Variants in TRMT1 observed in about 807,000 individuals in gnomAD.
TRMT1 encodes tRNA (guanine(26)-N(2))-dimethyltransferase.
In TRMT1, 63 loss-of-function variants were observed where a neutral mutation model predicts 75.4. The observed-to-expected ratio is 0.84, with a 90% CI of 0.68 to 1.03. The LOEUF (loss-of-function observed/expected upper bound fraction) is 1.03, where lower values mean the gene tolerates loss of function less well. Among genes scored for constraint, TRMT1 ranks in the 50% least tolerant of loss-of-function variants. The pLI is 0.00. For synonymous variants in TRMT1, 382 were observed against 358.1 expected (o/e 1.07, Z -0.75); for missense variants, 870 against 905.3 (o/e 0.96, Z 0.50).
In TRMT1 at chr19:13,112,969, G is replaced by T; in HGVS notation, c.684C>A (p.Asp228Glu). 6.2e-7 allele frequency: 1 copy of T among 1,613,764 alleles called. No individual in the cohort carries two copies. The highest frequency in any genetic ancestry group is 1.3e-5 in the African/African-American group (1 of 75,048). The change falls in exon 6 of 17, where the codon GAC (aspartate) becomes GAA (glutamate). Residue 228 changes from aspartate (D) to glutamate (E), a missense_variant. Coordinates refer to ENST00000357720, the MANE Select transcript of TRMT1 (RefSeq NM_001136035.4). ...YQHQRVSERF[D>E]VIDLDPYGSP... ...TGCCATAGGGGTCCAGATCGATGAC[G>T]TCAAACCTCTCCGACACCCTCTGGT...
chr19:13,105,129 C>A, intron 16 of TRMT1, 48 bp from the exon 17 acceptor site: 1 of 1,551,142 alleles, frequency 6.4e-7, no homozygotes. Flanking sequence ...GCTCAGCAGC[C>A]CCTGATGGGA....
In TRMT1 at chr19:13,115,671, G is replaced by A; in HGVS notation, c.408C>T (p.Ala136=). ...CCGCTGTGCGAGGTTGGTCTCCTGA[G>A]GCCAGGTTTTCACTCTCTTTCAGTT... ...KVELKESENL[A]SGDQPRTAAV... Residue 136 remains alanine, a synonymous_variant, in exon 4 of 17, where the codon GCC becomes GCT. Transcript: ENST00000357720. 1 of 1,614,024 alleles carries A rather than the reference G, an allele frequency of 6.2e-7. No individual in the cohort carries two copies. The highest frequency in any genetic ancestry group is 8.5e-7 in the Non-Finnish European group (1 of 1,180,014).
At position 13,109,085 on chromosome 19, in the gene TRMT1, G is replaced by GGTGTGTGTGTGTGT. The variant is rs57825932; in HGVS notation, c.1397+282_1397+295dup. Among the ~76,000 whole-genome samples, 825 of 147,342 alleles carry GGTGTGTGTGTGTGT rather than the reference G, an allele frequency of 5.6e-3. 9 individuals carry two copies. The highest frequency in any genetic ancestry group is 0.02 in the African/African-American group (790 of 40,220). ...CATGTATCACCATGCCAGGCTAATG[G>GGTGTGTGTGTGTGT]GTGTGTGTGTGTGTGTGTGTGTGTA... On this transcript the variant is annotated intron_variant, in intron 12 of 16. Coordinates refer to ENST00000357720, the MANE Select transcript of TRMT1 (RefSeq NM_001136035.4).
rs752659553 is a variant in TRMT1, at chr19:13,116,316, A to G, written c.84T>C (p.Ser28=). The G allele has an allele frequency of 2.5e-6, 4 of 1,613,922 alleles. No individual in the cohort carries two copies. The South Asian group carries it at 3.3e-5, about 13-fold the overall frequency. The change falls in exon 2 of 17, where the codon TCT becomes TCC. Residue 28 remains serine (S), a synonymous_variant. Coordinates refer to ENST00000357720, the MANE Select transcript of TRMT1 (RefSeq NM_001136035.4). ...LSRARFFEWQ[S]PGLPNTAAME... The stretch of plus-strand genomic sequence containing the variant: ...TCGCTGCTGTATTCGGCAGCCCTGG[A>G]GACTGCCACTCGAAAAACCGGGCTC...
At position 13,116,402 on chromosome 19, in the gene TRMT1, G is replaced by A. The variant is rs2019364120; in HGVS notation, c.-3C>T. On this transcript the variant is annotated 5_prime_UTR_variant, in exon 2 of 17. Coordinates refer to ENST00000357720, the MANE Select transcript of TRMT1 (RefSeq NM_001136035.4). ...AGCCACAGAGACGATCCTTGCATGA[G>A]ACATCCGCTGGCGCCTCCGCCCGCC... 1.9e-6 allele frequency: 3 copies of A among 1,585,764 alleles called. No homozygotes were observed. Among genetic ancestry groups the A allele is most frequent in the Non-Finnish European group, 2.6e-6 (3 of 1,167,614 alleles).
chr19:13,108,142 C>A (rs2018970009), intron 12 of TRMT1, among the ~76,000 whole-genome samples: 1 of 151,644 alleles, frequency 6.6e-6, no homozygotes, highest in Non-Finnish European at 1.5e-5. Context: ...AGGCATGTGC[C>A]ACCACGCCCA....
At chr19:13,111,227 G>A (rs1478049850) in intron 7 of TRMT1, among the ~76,000 whole-genome samples, 1 of 151,140 alleles carries the variant, frequency 6.6e-6, no homozygotes, top group African/African-American at 2.4e-5. Flanking sequence ...GGGTTTTTTT[G>A]TAGAGATGGG....
At chr19:13,116,547 T>C in intron 1 of TRMT1, 106 bp downstream of exon 1, 1 of 1,100,296 alleles carries the variant, frequency 9.1e-7, no homozygotes, top group Non-Finnish European at 1.3e-6. Context: ...CTCGGTAAGC[T>C]GATATCCCCT....
intron 5 of TRMT1, 141 bp from the exon 6 acceptor site, chr19:13,113,152 T>C (rs1037320042): frequency 8.4e-6 from 4 of 475,796 alleles, no homozygotes; most frequent in East Asian, 7.2e-5. Flanking sequence ...GGCTCAGTCA[T>C]TTATTTATTT....
intron 14 of TRMT1, among the ~76,000 whole-genome samples, chr19:13,107,197 C>A (rs376668765): frequency 1.3e-5 from 2 of 151,390 alleles, no homozygotes; most frequent in Non-Finnish European, 2.9e-5. Context: ...TGCAATGGCG[C>A]GATCTAGACT....
rs10401962 is a variant in TRMT1 at position 13,116,717 on chromosome 19, C to A, written c.-97G>T. 5.5e-6 allele frequency: 2 copies of A among 360,504 alleles called. No individual in the cohort carries two copies. Among genetic ancestry groups the A allele is most frequent in the African/African-American group, 2.1e-5 (1 of 48,776 alleles). 22.3% of individuals were successfully genotyped at this position (360,504 alleles called of 1,614,324 possible). A position where few individuals can be genotyped will look rare whatever the true frequency, so the allele number is the denominator to read the frequency against. On this transcript the variant is annotated 5_prime_UTR_variant, in exon 1 of 17. Transcript: ENST00000357720. ...CACGTTTCCCGAATTAGGACCTGGG[C>A]GCCGCCATGTTGGCACAGTGGGTGG... is the stretch of plus-strand genomic sequence containing the variant.
chr19:13,115,822 C>T, intron 3 of TRMT1, 54 bp from the exon 4 acceptor site: 1 of 1,610,884 alleles, frequency 6.2e-7, no homozygotes, highest in Admixed American at 1.7e-5. Flanking sequence ...CTCTGAGAAA[C>T]CTCCCCTTAA....
At chr19:13,110,577 G>C (rs556547056) in intron 7 of TRMT1, among the ~76,000 whole-genome samples, 1 of 152,384 alleles carries the variant, frequency 6.6e-6, no homozygotes, top group East Asian at 1.9e-4. Flanking sequence ...ATTCTGACCA[G>C]CATTATCGGT....
At chr19:13,106,883 C>T (rs7256309) in intron 14 of TRMT1, among the ~76,000 whole-genome samples, 126,933 of 149,810 alleles carry the variant, frequency 0.85, 54,144 homozygotes, top group African/African-American at 0.96. Flanking sequence ...AGTGCAGTGG[C>T]GCTATCTCGG....
intron 13 of TRMT1, 41 bp downstream of exon 13, chr19:13,107,710 C>CACCT (rs1378315134): frequency 2.6e-6 from 4 of 1,562,856 alleles, no homozygotes; most frequent in Non-Finnish European, 3.5e-6. Context: ...AGGTGACCAC[C>CACCT]ACCTGCCCTC....
In TRMT1 at chr19:13,115,862, C is replaced by A. The variant is rs1432173192; in HGVS notation, c.311-94G>T. The stretch of plus-strand genomic sequence containing the variant: ...CAAAATATCGTCCCTGAAATCCCTG[C>A]GGAAAGGCTGAAGGAGCAGAACCCA... On this transcript the variant is annotated intron_variant, in intron 3 of 16. Transcript: ENST00000357720. 5 of 1,603,578 alleles carry A rather than the reference C, an allele frequency of 3.1e-6. No homozygotes were observed. The African/African-American group carries it at 4.0e-5, about 13-fold the overall frequency.
chr19:13,115,763 C>T lies in TRMT1; in HGVS notation c.316G>A (p.Val106Ile). The change falls in exon 4 of 17, where the codon GTT becomes ATT. Residue 106 changes from valine to isoleucine, a missense_variant. Physicochemically the swap from Val to Ile is conservative, Grantham distance 29 (BLOSUM62 3). Transcript: ENST00000357720. Reference sequence around the variant, plus strand: ...TTTTGCGTGTCCTTCTCTCCTGGAACCTTGACTGCAGCCACCCAGAGGCAC... The same window carrying T: ...TTTTGCGTGTCCTTCTCTCCTGGAATCTTGACTGCAGCCACCCAGAGGCAC... ...QLGAKGIQIK[V>I]PGEKDTQKVV... 3 of 1,614,060 alleles carry T rather than the reference C, an allele frequency of 1.9e-6. No homozygotes were observed. The highest frequency in any genetic ancestry group is 2.5e-6 in the Non-Finnish European group (3 of 1,180,018).
Position 13,109,284 on chromosome 19 carries a change from C to T in TRMT1, c.1397+97G>A, listed in dbSNP as rs905118265. The stretch of plus-strand genomic sequence containing the variant: ...AATGAGACAGTGCACCGGGTTCTCC[C>T]CACCCCCTCGCAAGTTCTATGCATG... On this transcript the variant is annotated intron_variant, in intron 12 of 16. Coordinates refer to ENST00000357720, the MANE Select transcript of TRMT1 (RefSeq NM_001136035.4). 22 of 1,416,252 alleles carry T rather than the reference C, an allele frequency of 1.6e-5. No homozygotes were observed. In the African/African-American group the frequency reaches 2.8e-4, roughly 18 times the overall value. The allele number at this position is 1,416,252 out of a possible 1,614,324, so 87.7% of individuals were successfully genotyped here.
intron 7 of TRMT1, among the ~76,000 whole-genome samples, chr19:13,111,211 T>C (rs973838112): frequency 6.6e-6 from 1 of 150,812 alleles, no homozygotes; most frequent in Non-Finnish European, 1.5e-5. Context: ...ACCTAGGTAA[T>C]TTTTAGGGTT....
Sources: gnomAD v4.1 joint callset for allele counts (sites outside exome capture counted in the v4.1 genomes callset) on GRCh38, gnomAD v4.1.1 for gene constraint, MANE v1.5 for transcripts, NCBI Gene and HGNC (gene_info 2026-07-23, HGNC 2026-07-21) for gene names.